The following TUBG1 variants were observed in gnomAD, a reference collection of about 807,000 sequenced individuals.
The protein encoded by TUBG1 is tubulin gamma 1.
A neutral mutation model predicts 53.3 loss-of-function variants in TUBG1; 22 were observed. The observed-to-expected ratio is 0.41, with a 90% CI of 0.29 to 0.59. The LOEUF (loss-of-function observed/expected upper bound fraction) is 0.59, where lower values mean the gene tolerates loss of function less well. Ranked by LOEUF, TUBG1 falls within the 20% of genes least tolerant of loss-of-function variation. The pLI is 0.26. For missense variants in TUBG1, 217 were observed against 598.9 expected (o/e 0.36, Z 6.66); for synonymous variants, 198 against 236.7 (o/e 0.84, Z 1.50).
intron 3 of TUBG1, among the ~76,000 whole-genome samples, chr17:42,611,456 A>C (rs2052033579): frequency 6.6e-6 from 1 of 152,230 alleles, no homozygotes; most frequent in South Asian, 2.1e-4. Flanking sequence ...AACTGGCCCC[A>C]ACACTGTTAG....
chr17:42,612,336 GA>G, intron 4 of TUBG1, 90 bp from the exon 5 acceptor site: 1 of 1,471,576 alleles, frequency 6.8e-7, no homozygotes, highest in Non-Finnish European at 9.4e-7. Context: ...AAGGGCTCGG[GA>G]AAATGGGAGT....
chr17:42,614,644 C>T lies in TUBG1; in HGVS notation c.1145C>T (p.Thr382Ile). Residue 382 changes from threonine (T) to isoleucine (I), a missense_variant, in exon 10 of 11, where the codon ACC becomes ATC. Transcript: ENST00000251413. The surrounding 1 kb of genome is among the most constrained non-coding windows in gnomAD (Gnocchi z 5.1). The stretch of plus-strand genomic sequence containing the variant: ...AGCGGGCTCATGATGGCCAACCACA[C>T]CAGCATCTCCTCGGTGAGTCTCAAA... The part of the protein sequence containing the change: ...RVSGLMMANH[T>I]SISSLFERTC... 1 of 1,613,996 alleles carries T rather than the reference C, an allele frequency of 6.2e-7. No homozygotes were observed. The highest frequency in any genetic ancestry group is 8.5e-7 in the Non-Finnish European group (1 of 1,179,880).
chr17:42,612,171 G>T, intron 4 of TUBG1, 28 bp downstream of exon 4: 1 of 1,611,432 alleles, frequency 6.2e-7, no homozygotes, highest in South Asian at 1.1e-5. Context: ...GCTGGTAGGA[G>T]CCGACATGGG....
rs1156352141 is a variant in TUBG1, at chr17:42,614,014, A to G, written c.843+16A>G. On this transcript the variant is annotated intron_variant, in intron 8 of 10. Coordinates refer to ENST00000251413, the MANE Select transcript of TUBG1 (RefSeq NM_001070.5). The surrounding 1 kb of genome is among the most constrained non-coding windows in gnomAD (Gnocchi z 5.1). ...GGACCAGTCAGTAAGAGCAGCCTTC[A>G]GTGTCCCAGGCCAGGCCGGCCCTGG... The G allele has an allele frequency of 1.2e-6, 2 of 1,614,126 alleles. No individual in the cohort carries two copies. Among genetic ancestry groups the G allele is most frequent in the Admixed American group, 1.7e-5 (1 of 60,022 alleles).
At chr17:42,610,341 G>A (rs2052022088) in intron 2 of TUBG1, 82 bp from the exon 3 acceptor site, 1 of 1,517,940 alleles carries the variant, frequency 6.6e-7, no homozygotes. Context: ...AGGAGGGAGG[G>A]CCGGAGGGAG....
chr17:42,614,064 T>A lies in TUBG1; in HGVS notation c.843+66T>A. ...GGCCCAACAGGCCCTGTCCTAGCCT[T>A]TCTCTCTTCCCCACTGCCCCAGGAG... is the stretch of plus-strand genomic sequence containing the variant. On this transcript the variant is annotated intron_variant, in intron 8 of 10. Coordinates refer to ENST00000251413, the MANE Select transcript of TUBG1 (RefSeq NM_001070.5). The surrounding 1 kb of genome is among the most constrained non-coding windows in gnomAD (Gnocchi z 5.1). The A allele has an allele frequency of 1.2e-6, 2 of 1,609,162 alleles. No individual in the cohort carries two copies. Among genetic ancestry groups the A allele is most frequent in the Non-Finnish European group, 1.7e-6 (2 of 1,177,190 alleles).
At chr17:42,612,227 C>A in intron 4 of TUBG1, 84 bp downstream of exon 4, 2 of 1,438,954 alleles carry the variant, frequency 1.4e-6, no homozygotes, top group African/African-American at 2.8e-5. Context: ...AGGAACAAGA[C>A]CCACTCATGT....
Position 42,613,092 on chromosome 17 carries a change from C to T in TUBG1, c.606+19C>T, listed in dbSNP as rs1259692473. 6.2e-7 allele frequency: 1 copy of T among 1,612,406 alleles called. No individual in the cohort carries two copies. On this transcript the variant is annotated intron_variant, in intron 6 of 10. Transcript: ENST00000251413. ...CTGTGTGGTGAGTCCTGGATTCTAC[C>T]TCTCCCAACTCTCAACACCCCATAC...
intron 5 of TUBG1, 103 bp from the exon 6 acceptor site, chr17:42,612,844 G>T: frequency 6.6e-7 from 1 of 1,512,880 alleles, no homozygotes; most frequent in South Asian, 1.3e-5. Flanking sequence ...CCCCACCCCA[G>T]TTTCGCCATC....
In TUBG1 at chr17:42,614,623, G is replaced by A. The variant is rs111345251; in HGVS notation, c.1124G>A (p.Gly375Glu). The part of the protein sequence containing the change: ...PYLPSAHRVS[G>E]LMMANHTSIS... ...CTGCCCTCGGCCCACCGGGTCAGCG[G>A]GCTCATGATGGCCAACCACACCAGC... Residue 375 changes from glycine (G) to glutamate (E), a missense_variant, in exon 10 of 11, where the codon GGG becomes GAG. Transcript: ENST00000251413. This position sits in a 1 kb window ranked among gnomAD's most constrained non-coding sequence, Gnocchi z 5.1. 6.2e-7 allele frequency: 1 copy of A among 1,614,018 alleles called. No homozygotes were observed. The highest frequency in any genetic ancestry group is 1.1e-5 in the South Asian group (1 of 91,066).
intron 3 of TUBG1, chr17:42,611,407 A>G (rs2052033235): frequency 6.6e-6 from 1 of 152,250 alleles, no homozygotes; most frequent in Non-Finnish European, 1.5e-5. Context: ...ATACCATAAT[A>G]CCTTTCTAAA....
In TUBG1 at chr17:42,614,370, C is replaced by T. The variant is rs753206396; in HGVS notation, c.954C>T (p.Ile318=). Residue 318 remains isoleucine, a synonymous_variant, in exon 9 of 11, where the codon ATC becomes ATT. Coordinates refer to ENST00000251413, the MANE Select transcript of TUBG1 (RefSeq NM_001070.5). The surrounding 1 kb of genome is among the most constrained non-coding windows in gnomAD (Gnocchi z 5.1). ...GRDRQTNHCY[I]AILNIIQGEV... is the part of the protein sequence containing the mutation. ...ACCGCCAGACCAACCACTGCTACAT[C>T]GCCATCCTCAACATCATCCAGGGAG... The T allele has an allele frequency of 2.6e-5, 42 of 1,613,866 alleles. No homozygotes were observed. Among genetic ancestry groups the T allele is most frequent in the Non-Finnish European group, 3.2e-5 (38 of 1,179,876 alleles).
chr17:42,610,669 C>G, intron 3 of TUBG1, 79 bp downstream of exon 3: 1 of 1,596,172 alleles, frequency 6.3e-7, no homozygotes, highest in East Asian at 2.2e-5. Context: ...AGAGGGAAAA[C>G]CGGATCAGGG....
intron 3 of TUBG1, 58 bp downstream of exon 3, chr17:42,610,648 A>ACGTCC: frequency 1.2e-6 from 2 of 1,610,768 alleles, no homozygotes; most frequent in Non-Finnish European, 8.5e-7. Flanking sequence ...AGGCTCTATG[A>ACGTCC]CGTCCCGAAG....
chr17:42,612,850 C>G, intron 5 of TUBG1, 97 bp from the exon 6 acceptor site: 1 of 1,530,090 alleles, frequency 6.5e-7, no homozygotes, highest in Non-Finnish European at 8.9e-7. Context: ...CCCAGTTTCG[C>G]CATCAAGATT....
In TUBG1 at chr17:42,614,111, G is replaced by A; in HGVS notation, c.843+113G>A. 6.3e-7 allele frequency: 1 copy of A among 1,586,798 alleles called. No homozygotes were observed. The highest frequency in any genetic ancestry group is 8.6e-7 in the Non-Finnish European group (1 of 1,165,376). On this transcript the variant is annotated intron_variant, in intron 8 of 10. Coordinates refer to ENST00000251413, the MANE Select transcript of TUBG1 (RefSeq NM_001070.5). The surrounding 1 kb of genome is among the most constrained non-coding windows in gnomAD (Gnocchi z 5.1). ...GGAGCTACCCTTTGTGGACCCCAAGGCGCGGCGCTCAGGGACTGGCACAGA... is the reference window on the plus strand; with the variant it reads ...GGAGCTACCCTTTGTGGACCCCAAGACGCGGCGCTCAGGGACTGGCACAGA...
At position 42,609,711 on chromosome 17, in the gene TUBG1, G is replaced by T. The variant is rs772479503; in HGVS notation, c.-27G>T. 3.9e-6 allele frequency: 6 copies of T among 1,543,384 alleles called. No individual in the cohort carries two copies. The Admixed American group carries it at 6.1e-5, about 16-fold the overall frequency. On this transcript the variant is annotated 5_prime_UTR_variant, in exon 1 of 11. Coordinates refer to ENST00000251413, the MANE Select transcript of TUBG1 (RefSeq NM_001070.5). ...GTGCGGCGCCGTTGCGGGCGGGAGCGGCTGCAACGCCGGTGCCTGAGGAGC... is the reference window on the plus strand; with the variant it reads ...GTGCGGCGCCGTTGCGGGCGGGAGCTGCTGCAACGCCGGTGCCTGAGGAGC...
At position 42,610,645 on chromosome 17, in the gene TUBG1, A is replaced by G. The variant is rs755034366; in HGVS notation, c.330+55A>G. 1.9e-6 allele frequency: 3 copies of G among 1,611,542 alleles called. No homozygotes were observed. In the African/African-American group the frequency reaches 4.0e-5, roughly 22 times the overall value. ...AACTCGCTGGGTAGGGACAGGCTCT[A>G]TGACGTCCCGAAGAGAGGGAAAACC... On this transcript the variant is annotated intron_variant, in intron 3 of 10. Coordinates refer to ENST00000251413, the MANE Select transcript of TUBG1 (RefSeq NM_001070.5).
intron 6 of TUBG1, 67 bp from the exon 7 acceptor site, chr17:42,613,580 C>T: frequency 6.2e-7 from 1 of 1,611,766 alleles, no homozygotes; most frequent in South Asian, 1.1e-5. Flanking sequence ...GCTTCAGAGC[C>T]TAGGGTCAGG....
Sources: allele counts gnomAD v4.1 joint callset (sites outside exome capture counted in the v4.1 genomes callset), GRCh38; gene constraint gnomAD v4.1.1; non-coding constraint Gnocchi (gnomAD v3.1); transcripts MANE v1.5; gene names NCBI Gene and HGNC (gene_info 2026-07-23, HGNC 2026-07-21).